The following EXTL2 variants were observed in gnomAD, a reference collection of about 807,000 sequenced individuals.
The protein encoded by EXTL2 is exostosin-like 2.
EXTL2 carries 23 observed loss-of-function variants against 30.7 expected under a neutral mutation model. The observed-to-expected ratio is 0.75, with a 90% CI of 0.54 to 1.06. The LOEUF is 1.06. EXTL2 is among the 50% of genes least tolerant of loss of function. The pLI is 0.00. For synonymous variants in EXTL2, 123 were observed against 133.8 expected (o/e 0.92, Z 0.56); for missense variants, 352 against 396.3 (o/e 0.89, Z 0.95).
intron 1 of EXTL2, among the ~76,000 whole-genome samples, chr1:100,894,132 A>T (rs533553964): frequency 2.0e-5 from 3 of 152,058 alleles, no homozygotes; most frequent in African/African-American, 7.3e-5. Flanking sequence ...CAGTTGCTGA[A>T]ATTTAATTAT....
At chr1:100,892,732 G>T (rs1462826946) in intron 1 of EXTL2, among the ~76,000 whole-genome samples, 1 of 152,206 alleles carries the variant, frequency 6.6e-6, no homozygotes, top group African/African-American at 2.4e-5. Context: ...GAGGATGTAT[G>T]CCATGGAGCA....
At chr1:100,883,455 C>T (rs78130730) in intron 2 of EXTL2, among the ~76,000 whole-genome samples, 2,220 of 152,244 alleles carry the variant, frequency 0.015, 54 homozygotes, top group African/African-American at 0.051. Context: ...AGTGGATTTG[C>T]CTATTCTGGA....
chr1:100,883,593 TG>T (rs1649735180), intron 2 of EXTL2, among the ~76,000 whole-genome samples: 1 of 152,246 alleles, frequency 6.6e-6, no homozygotes, highest in Admixed American at 6.5e-5. Context: ...TCATTTTTTT[TG>T]TTGCCAAGTA....
At chr1:100,889,691 T>A (rs563052897) in intron 1 of EXTL2, among the ~76,000 whole-genome samples, 1 of 152,204 alleles carries the variant, frequency 6.6e-6, no homozygotes, top group African/African-American at 2.4e-5. Flanking sequence ...ACAGGCCCCA[T>A]GCAAGTCCGA....
Position 100,873,116 on chromosome 1 carries a change from A to G in EXTL2, c.*826T>C, listed in dbSNP as rs1648827619. The G allele has an allele frequency of 6.6e-6, 1 of 152,042 alleles. No individual in the cohort carries two copies. Among genetic ancestry groups the G allele is most frequent in the Non-Finnish European group, 1.5e-5 (1 of 67,950 alleles). The allele number at this position is 152,042 out of a possible 1,614,324, so 9.4% of individuals were successfully genotyped here. A position where few individuals can be genotyped will look rare whatever the true frequency, so the allele number is the denominator to read the frequency against. ...TTTTCAGGTTTTTTATACATTTCTTAAACAACACATACATTATGTAAAATA... is the reference window on the plus strand; with the variant it reads ...TTTTCAGGTTTTTTATACATTTCTTGAACAACACATACATTATGTAAAATA... On this transcript the variant is annotated 3_prime_UTR_variant, in exon 5 of 5. Transcript: ENST00000370114.
Position 100,873,871 on chromosome 1 carries a change from A to C in EXTL2, c.*71T>G. 1 of 1,463,878 alleles carries C rather than the reference A, an allele frequency of 6.8e-7. No individual in the cohort carries two copies. Among genetic ancestry groups the C allele is most frequent in the South Asian group, 1.4e-5 (1 of 69,442 alleles). The allele number at this position is 1,463,878 out of a possible 1,614,324, so 90.7% of individuals were successfully genotyped here. On this transcript the variant is annotated 3_prime_UTR_variant, in exon 5 of 5. Transcript: ENST00000370114. The stretch of plus-strand genomic sequence containing the variant: ...AGATAAAATTCATGATGTTGCTTAA[A>C]AAAATACATAGCATGGAGAAGCTAC...
At chr1:100,876,146 G>T (rs1020192560) in intron 4 of EXTL2, among the ~76,000 whole-genome samples, 1 of 152,008 alleles carries the variant, frequency 6.6e-6, no homozygotes, top group Non-Finnish European at 1.5e-5. Context: ...CGGCTTCGAA[G>T]TACTTCCATG....
In EXTL2 at chr1:100,873,127, ACATT is replaced by A. The variant is rs1648828209; in HGVS notation, c.*811_*814del. ...TTTATACATTTCTTAAACAACACAT[ACATT>A]ATGTAAAATATAAGAATTAATGTAC... On this transcript the variant is annotated 3_prime_UTR_variant, in exon 5 of 5. Transcript: ENST00000370114. 2.0e-5 allele frequency: 3 copies of A among 152,070 alleles called. No individual in the cohort carries two copies. The highest frequency in any genetic ancestry group is 7.2e-5 in the African/African-American group (3 of 41,432). 9.4% of individuals were successfully genotyped at this position (152,070 alleles called of 1,614,324 possible).
At chr1:100,895,075 G>T (rs1650788590), upstream of EXTL2, 1 of 152,138 alleles carries the variant, frequency 6.6e-6, no homozygotes, top group South Asian at 2.1e-4. Flanking sequence ...GCCCAGGAAA[G>T]GCCTGTGGGG....
At chr1:100,887,865 A>AT (rs554132122) in intron 2 of EXTL2, among the ~76,000 whole-genome samples, 35 of 151,950 alleles carry the variant, frequency 2.3e-4, no homozygotes, top group African/African-American at 5.8e-4. Flanking sequence ...CACCCGGCAA[A>AT]TTTTTTTGTA....
At chr1:100,885,087 C>T (rs1261798798) in intron 2 of EXTL2, among the ~76,000 whole-genome samples, 2 of 152,222 alleles carry the variant, frequency 1.3e-5, no homozygotes. Context: ...AGAGCTGGGT[C>T]ATCACCCATC....
At chr1:100,893,119 T>C (rs970277522) in intron 1 of EXTL2, among the ~76,000 whole-genome samples, 2 of 152,242 alleles carry the variant, frequency 1.3e-5, no homozygotes, top group African/African-American at 2.4e-5. Flanking sequence ...GTAGGAGAGA[T>C]ATAAAAACAT....
chr1:100,887,070 T>A (rs1267145077), intron 2 of EXTL2, among the ~76,000 whole-genome samples: 1 of 152,218 alleles, frequency 6.6e-6, no homozygotes, highest in Non-Finnish European at 1.5e-5. Flanking sequence ...GTTCTAGAAA[T>A]GGGTCAAAAA....
intron 2 of EXTL2, among the ~76,000 whole-genome samples, chr1:100,878,819 C>T (rs1649332185): frequency 6.6e-6 from 1 of 152,066 alleles, no homozygotes; most frequent in African/African-American, 2.4e-5. Flanking sequence ...ACAGGAAAAT[C>T]TGCCCCGAGA....
At chr1:100,874,881 T>C (rs1049989205) in intron 4 of EXTL2, among the ~76,000 whole-genome samples, 1 of 152,140 alleles carries the variant, frequency 6.6e-6, no homozygotes, top group Non-Finnish European at 1.5e-5. Context: ...CTCTTTTTCA[T>C]GTTGATTTCG....
chr1:100,894,888 A>G (rs924628947), upstream of EXTL2: 2 of 152,194 alleles, frequency 1.3e-5, no homozygotes, highest in Non-Finnish European at 2.9e-5. Context: ...GTCGGCCTAA[A>G]AGGCATTCCC....
chr1:100,877,445 T>C lies in EXTL2; in HGVS notation c.433+31A>G, dbSNP rs1649212282. On this transcript the variant is annotated intron_variant, in intron 3 of 4. Coordinates refer to ENST00000370114, the MANE Select transcript of EXTL2 (RefSeq NM_001033025.3). The surrounding 1 kb of genome is among the most constrained non-coding windows in gnomAD (Gnocchi z 4.1). ...GTCCCAGCTCTGGACAGCGGCAGCC[T>C]TTCCAGGCTGAGAACTACACTGCAA... 1.3e-6 allele frequency: 2 copies of C among 1,533,566 alleles called. No homozygotes were observed. Among genetic ancestry groups the C allele is most frequent in the South Asian group, 2.6e-5 (2 of 77,218 alleles). The allele number at this position is 1,533,566 out of a possible 1,614,324, so 95.0% of individuals were successfully genotyped here.
intron 2 of EXTL2, among the ~76,000 whole-genome samples, chr1:100,885,072 A>G (rs1191146689): frequency 6.6e-6 from 1 of 152,236 alleles, no homozygotes; most frequent in Non-Finnish European, 1.5e-5. Context: ...TGTTCCCTAC[A>G]TAGAAGAGCT....
chr1:100,889,011 A>G (rs904203293), intron 1 of EXTL2, 183 bp from the exon 2 acceptor site: 1 of 384,058 alleles, frequency 2.6e-6, no homozygotes, highest in Non-Finnish European at 4.7e-6. Context: ...ATGATTAATG[A>G]CTTCCAGTGA....
Sources: allele counts gnomAD v4.1 joint callset (sites outside exome capture counted in the v4.1 genomes callset), GRCh38; gene constraint gnomAD v4.1.1; non-coding constraint Gnocchi (gnomAD v3.1); transcripts MANE v1.5; gene names NCBI Gene and HGNC (gene_info 2026-07-23, HGNC 2026-07-21).